CEP95: variants seen among roughly 807,000 people sequenced by gnomAD.
CEP95 encodes the protein centrosomal protein 95, also known as centrosomal protein of 95 kDa.
CEP95 carries 98 observed loss-of-function variants against 111.2 expected under a neutral mutation model. The ratio of observed to expected loss-of-function variants is 0.88; its 90% CI spans 0.75 to 1.04. The LOEUF is 1.04. Ranked by LOEUF, CEP95 falls within the 50% of genes least tolerant of loss-of-function variation. The pLI is 0.00. For missense variants in CEP95, 1,027 were observed against 977.2 expected (o/e 1.05, Z -0.68); for synonymous variants, 323 against 327.1 (o/e 0.99, Z 0.14).
chr17:64,537,533 G>C (rs1568162137), intron 19 of CEP95, 70 bp from the exon 20 acceptor site: 5 of 1,471,488 alleles, frequency 3.4e-6, no homozygotes, highest in Non-Finnish European at 4.5e-6. Context: ...CTGGAAGATG[G>C]AGAGGGAACA....
intron 5 of CEP95, among the ~76,000 whole-genome samples, chr17:64,517,467 T>A (rs1555676641): frequency 2.6e-5 from 4 of 152,154 alleles, no homozygotes; most frequent in Non-Finnish European, 1.5e-5. Flanking sequence ...TTTGTTAAAT[T>A]TTTTAGTCCT....
intron 1 of CEP95, chr17:64,507,964 A>G: frequency 1.0e-6 from 1 of 985,458 alleles, no homozygotes; most frequent in Non-Finnish European, 1.2e-6. Flanking sequence ...AGGAAACGTC[A>G]ACAGTATTGA....
chr17:64,522,659 C>A, intron 7 of CEP95, 43 bp from the exon 8 acceptor site: 1 of 1,437,914 alleles, frequency 7.0e-7, no homozygotes, highest in African/African-American at 1.4e-5. Flanking sequence ...TGGTTTATTT[C>A]TTAGAATTGC....
intron 2 of CEP95, among the ~76,000 whole-genome samples, chr17:64,509,503 G>A (rs988758050): frequency 2.6e-4 from 39 of 152,266 alleles, no homozygotes; most frequent in Admixed American, 2.5e-3. Flanking sequence ...TGGCCAATAT[G>A]GCAAAATGCC....
At chr17:64,521,230 C>T (rs532325813) in intron 6 of CEP95, among the ~76,000 whole-genome samples, 172 bp from the exon 7 acceptor site, 1 of 152,268 alleles carries the variant, frequency 6.6e-6, no homozygotes, top group South Asian at 2.1e-4. Context: ...GAGGGAAATG[C>T]TGTCTGAAAA....
At chr17:64,533,288 C>CCTG in intron 16 of CEP95, 97 bp downstream of exon 16, 1 of 953,066 alleles carries the variant, frequency 1.0e-6, no homozygotes, top group Non-Finnish European at 1.6e-6. Context: ...GACCCTTAAC[C>CCTG]TCTTAACACC....
At chr17:64,528,632 A>G (rs764737124) in intron 11 of CEP95, among the ~76,000 whole-genome samples, 68 of 152,230 alleles carry the variant, frequency 4.5e-4, no homozygotes, top group Admixed American at 8.5e-4. Flanking sequence ...TAAGCTCGGA[A>G]AATTTATTTA....
chr17:64,507,998 C>T lies in CEP95; in HGVS notation c.20-594C>T, dbSNP rs141388487. On this transcript the variant is annotated intron_variant, in intron 1 of 19. Transcript: ENST00000556440. ...GATAATTCTGAGCTTCATGTACTTC[C>T]CATATTTTCTTTCATATAGATCGAT... 37 of 985,256 alleles carry T rather than the reference C, an allele frequency of 3.8e-5. 1 individual carries two copies. In the African/African-American group the frequency reaches 6.3e-4, roughly 17 times the overall value. 61.0% of individuals were successfully genotyped at this position (985,256 alleles called of 1,614,324 possible).
At chr17:64,533,507 T>TGAA (rs1429925244) in intron 16 of CEP95, among the ~76,000 whole-genome samples, 7 of 152,054 alleles carry the variant, frequency 4.6e-5, no homozygotes, top group Non-Finnish European at 7.4e-5. Context: ...CTTGGGAGGC[T>TGAA]GAAGTGGGAG....
chr17:64,527,285 G>A (rs1555679314), intron 11 of CEP95, 21 bp downstream of exon 11: 3 of 1,574,754 alleles, frequency 1.9e-6, no homozygotes, highest in South Asian at 2.4e-5. Context: ...CAGAGAGACT[G>A]AGAAGGGGGA....
chr17:64,523,632 G>A (rs1967553787), intron 8 of CEP95, among the ~76,000 whole-genome samples: 1 of 152,052 alleles, frequency 6.6e-6, no homozygotes, highest in South Asian at 2.1e-4. Context: ...AAAAGAACAG[G>A]ACTGGGTTCG....
chr17:64,527,020 C>A, intron 10 of CEP95, 91 bp from the exon 11 acceptor site: 1 of 979,560 alleles, frequency 1.0e-6, no homozygotes, highest in Non-Finnish European at 1.5e-6. Context: ...TAGTGACTGT[C>A]AAAGGAAGCT....
Position 64,507,991 on chromosome 17 carries a change from G to C in CEP95, c.20-601G>C, listed in dbSNP as rs542768815. The C allele has an allele frequency of 1.4e-5, 14 of 985,330 alleles. No homozygotes were observed. In the South Asian group the frequency reaches 6.6e-4, roughly 46 times the overall value. 61.0% of individuals were successfully genotyped at this position (985,330 alleles called of 1,614,324 possible). ...CAGTATTGATAATTCTGAGCTTCAT[G>C]TACTTCCCATATTTTCTTTCATATA... is the stretch of plus-strand genomic sequence containing the variant. On this transcript the variant is annotated intron_variant, in intron 1 of 19. Coordinates refer to ENST00000556440, the MANE Select transcript of CEP95 (RefSeq NM_138363.3).
chr17:64,520,200 A>G (rs1555677306), intron 6 of CEP95, among the ~76,000 whole-genome samples: 2 of 152,220 alleles, frequency 1.3e-5, no homozygotes, highest in African/African-American at 4.8e-5. Flanking sequence ...TGTGATGTCA[A>G]GTGCTATGTA....
Position 64,514,723 on chromosome 17 carries a change from C to G in CEP95, c.367+365C>G, listed in dbSNP as rs1040201250. ...TATTTGGATGTTACTGAGGCATCAA[C>G]AGGAAGAATTGGTGCATTTGTGTCT... On this transcript the variant is annotated intron_variant, in intron 4 of 19. Coordinates refer to ENST00000556440, the MANE Select transcript of CEP95 (RefSeq NM_138363.3). 3 of 319,912 alleles carry G rather than the reference C, an allele frequency of 9.4e-6. No individual in the cohort carries two copies. The South Asian group carries it at 4.6e-4, about 49-fold the overall frequency. The allele number at this position is 319,912 out of a possible 1,614,324, so 19.8% of individuals were successfully genotyped here.
chr17:64,525,001 T>G (rs1555678783), intron 8 of CEP95, among the ~76,000 whole-genome samples: 1 of 151,882 alleles, frequency 6.6e-6, no homozygotes, highest in Non-Finnish European at 1.5e-5. Context: ...CATTAAATGT[T>G]TCTTCATCAC....
intron 10 of CEP95, 41 bp downstream of exon 10, chr17:64,526,241 TTAAG>T: frequency 6.4e-7 from 1 of 1,553,742 alleles, no homozygotes; most frequent in Non-Finnish European, 8.7e-7. Context: ...TTCCCATGGG[TTAAG>T]TGAGCATTTA....
At chr17:64,536,528 A>T in intron 17 of CEP95, 74 bp from the exon 18 acceptor site, 1 of 1,045,376 alleles carries the variant, frequency 9.6e-7, no homozygotes, top group Non-Finnish European at 1.4e-6. Context: ...CTTGGGAAAT[A>T]CAATCAGTAT....
At chr17:64,516,972 A>T in intron 5 of CEP95, 144 bp downstream of exon 5, 1 of 559,418 alleles carries the variant, frequency 1.8e-6, no homozygotes, top group Non-Finnish European at 3.2e-6. Context: ...AACTTTCCTG[A>T]GGGAGTTTTA....
Sources: gnomAD v4.1 joint callset for allele counts (sites outside exome capture counted in the v4.1 genomes callset) on GRCh38, gnomAD v4.1.1 for gene constraint, MANE v1.5 for transcripts, NCBI Gene and HGNC (gene_info 2026-07-23, HGNC 2026-07-21) for gene names.